TANGO6: variants seen among roughly 807,000 people sequenced by gnomAD.
TANGO6 encodes transport and Golgi organization protein 6 homolog.
A neutral mutation model predicts 114.2 loss-of-function variants in TANGO6; 90 were observed. That is an observed-to-expected ratio of 0.79 (90% CI 0.66 to 0.94). The LOEUF (loss-of-function observed/expected upper bound fraction) is 0.94. TANGO6 is among the 40% of genes least tolerant of loss of function. The pLI is 0.00. For missense variants in TANGO6, 1,274 were observed against 1,315.3 expected (o/e 0.97, Z 0.49); for synonymous variants, 477 against 509.8 (o/e 0.94, Z 0.87).
intron 17 of TANGO6, among the ~76,000 whole-genome samples, chr16:69,051,806 A>G (rs982591395): frequency 6.6e-6 from 1 of 152,214 alleles, no homozygotes; most frequent in African/African-American, 2.4e-5. Flanking sequence ...AGATCACGCC[A>G]CTGCACTTCA....
At chr16:68,911,210 C>A (rs1962918355) in intron 11 of TANGO6, among the ~76,000 whole-genome samples, 1 of 152,066 alleles carries the variant, frequency 6.6e-6, no homozygotes, top group African/African-American at 2.4e-5. Flanking sequence ...CCTCAGCCTC[C>A]CAAGTAGCTG....
intron 14 of TANGO6, among the ~76,000 whole-genome samples, chr16:68,958,488 TC>T (rs764868550): frequency 1.6e-5 from 1 of 62,744 alleles, no homozygotes; most frequent in Non-Finnish European, 2.8e-5. Context: ...AAACTCTGTC[TC>T]AAAAAAAAAA....
intron 14 of TANGO6, among the ~76,000 whole-genome samples, chr16:68,966,518 T>A (rs746662004): frequency 3.9e-4 from 59 of 151,832 alleles, no homozygotes; most frequent in African/African-American, 9.9e-4. Context: ...AAAAATAAAA[T>A]AAAATAAATA....
In TANGO6 at chr16:69,072,049, G is replaced by GTGTGTT. The variant is rs1399090168; in HGVS notation, c.3109-11431_3109-11430insTTGTGT. Among the ~76,000 whole-genome samples the GTGTGTT allele has an allele frequency of 5.1e-3, 752 of 147,164 alleles. 8 individuals are homozygous for GTGTGTT. Among genetic ancestry groups the GTGTGTT allele is most frequent in the African/African-American group, 0.018 (724 of 39,180 alleles). ...ACCGTGTGTGTGTGTGTGTGTGTGT[G>GTGTGTT]TGTGTGTGTGTGTGTGTGTAGAGAG... On this transcript the variant is annotated intron_variant, in intron 17 of 17. Transcript: ENST00000261778.
At position 68,976,493 on chromosome 16, in the gene TANGO6, G is replaced by C. The variant is rs1198243967; in HGVS notation, c.2842+2325G>C. Among the ~76,000 whole-genome samples, 3 of 152,218 alleles carry C rather than the reference G, an allele frequency of 2.0e-5. No individual in the cohort carries two copies. The East Asian group carries it at 5.8e-4, about 29-fold the overall frequency. ...AGAAAACAATAGTTCATTCTGAAGA[G>C]AGAGGTTAAATTAAGATGAATTTCT... On this transcript the variant is annotated intron_variant, in intron 15 of 17. Coordinates refer to ENST00000261778, the MANE Select transcript of TANGO6 (RefSeq NM_024562.2).
intron 17 of TANGO6, among the ~76,000 whole-genome samples, chr16:69,079,826 A>G (rs187465081): frequency 6.6e-6 from 1 of 152,348 alleles, no homozygotes; most frequent in Non-Finnish European, 1.5e-5. Context: ...GGCCATATCT[A>G]TCAAAATTGT....
chr16:68,950,543 C>T (rs368738916), intron 14 of TANGO6, among the ~76,000 whole-genome samples: 20 of 150,736 alleles, frequency 1.3e-4, no homozygotes, highest in Admixed American at 8.0e-4. Flanking sequence ...CCAGCCTGGG[C>T]GACAGAGCGA....
chr16:69,019,611 G>C (rs1959366678), intron 15 of TANGO6, among the ~76,000 whole-genome samples: 1 of 151,104 alleles, frequency 6.6e-6, no homozygotes, highest in African/African-American at 2.5e-5. Context: ...TTGACTCTGT[G>C]ACAGCATTTG....
intron 2 of TANGO6, 112 bp downstream of exon 2, chr16:68,860,636 T>C: frequency 3.8e-6 from 5 of 1,329,404 alleles, no homozygotes; most frequent in Non-Finnish European, 5.0e-6. Flanking sequence ...GAACTGGATA[T>C]GCCAAAGCAT....
At chr16:69,047,362 G>A (rs144916159) in intron 17 of TANGO6, among the ~76,000 whole-genome samples, 2 of 152,014 alleles carry the variant, frequency 1.3e-5, no homozygotes, top group Non-Finnish European at 2.9e-5. Flanking sequence ...AGGCATGATG[G>A]TGGTTGCCTG....
intron 10 of TANGO6, among the ~76,000 whole-genome samples, chr16:68,908,520 C>CA (rs10716493): frequency 2.0e-5 from 3 of 150,912 alleles, no homozygotes; most frequent in South Asian, 2.1e-4. Context: ...ACCAAAAATA[C>CA]AAAAAAAAAA....
At chr16:69,078,394 G>A (rs568035076) in intron 17 of TANGO6, among the ~76,000 whole-genome samples, 2 of 152,230 alleles carry the variant, frequency 1.3e-5, no homozygotes, top group East Asian at 1.9e-4. Context: ...GCTAGACACA[G>A]TCTACTTGGT....
chr16:68,898,051 A>G (rs1029650739), intron 7 of TANGO6, among the ~76,000 whole-genome samples: 2 of 151,748 alleles, frequency 1.3e-5, no homozygotes, highest in Non-Finnish European at 2.9e-5. Flanking sequence ...TATTTTTTGT[A>G]CAAAAAATCC....
chr16:68,874,702 A>C (rs1962328713), intron 4 of TANGO6, among the ~76,000 whole-genome samples: 1 of 152,138 alleles, frequency 6.6e-6, no homozygotes, highest in Non-Finnish European at 1.5e-5. Flanking sequence ...TAATCACAGC[A>C]CTTTGGAGGC....
At chr16:69,056,031 C>G (rs1241470242) in intron 17 of TANGO6, among the ~76,000 whole-genome samples, 1 of 151,432 alleles carries the variant, frequency 6.6e-6, no homozygotes, top group Non-Finnish European at 1.5e-5. Flanking sequence ...AAGAGCAAGA[C>G]TCCATCTCAA....
At chr16:68,961,397 G>T (rs145435532) in intron 14 of TANGO6, among the ~76,000 whole-genome samples, 1 of 152,142 alleles carries the variant, frequency 6.6e-6, no homozygotes, top group African/African-American at 2.4e-5. Flanking sequence ...TTTCACCTCC[G>T]TTCCTCAACT....
At chr16:68,946,641 A>G (rs935828265) in intron 14 of TANGO6, among the ~76,000 whole-genome samples, 3 of 152,184 alleles carry the variant, frequency 2.0e-5, no homozygotes, top group East Asian at 1.9e-4. Flanking sequence ...AGCCAGGACT[A>G]CAGGTGCACA....
At chr16:68,984,063 G>C (rs781259804) in intron 15 of TANGO6, among the ~76,000 whole-genome samples, 38 of 151,394 alleles carry the variant, frequency 2.5e-4, no homozygotes, top group Non-Finnish European at 5.3e-4. Context: ...AAGAAAAATA[G>C]CTTTTGTATG....
intron 15 of TANGO6, among the ~76,000 whole-genome samples, chr16:69,000,224 C>T (rs1247429127): frequency 1.3e-5 from 2 of 152,166 alleles, no homozygotes; most frequent in African/African-American, 2.4e-5. Context: ...ACTCAAATAC[C>T]ATTGTATATT....
Sources: allele counts gnomAD v4.1 joint callset (sites outside exome capture counted in the v4.1 genomes callset), GRCh38; gene constraint gnomAD v4.1.1; transcripts MANE v1.5; gene names NCBI Gene and HGNC (gene_info 2026-07-23, HGNC 2026-07-21).